The following UBASH3B variants were observed in gnomAD, a reference collection of about 807,000 sequenced individuals.
UBASH3B encodes ubiquitin-associated and SH3 domain-containing protein B.
In UBASH3B, 37 loss-of-function variants were observed where a neutral mutation model predicts 83.4. The ratio of observed to expected loss-of-function variants is 0.44; its 90% confidence interval spans 0.34 to 0.58. The LOEUF is 0.58. UBASH3B is among the 20% of genes least tolerant of loss of function. The pLI, the probability that UBASH3B is intolerant of heterozygous loss-of-function variation, is 0.01. For missense variants in UBASH3B, 657 were observed against 827.2 expected (o/e 0.79, Z 2.52); for synonymous variants, 304 against 318.3 (o/e 0.96, Z 0.48).
intron 1 of UBASH3B, among the ~76,000 whole-genome samples, chr11:122,715,804 AAG>A (rs950345829): frequency 6.6e-6 from 1 of 152,180 alleles, no homozygotes; most frequent in East Asian, 1.9e-4. Context: ...TGTAACCACA[AAG>A]AGAGAGGTCT....
At chr11:122,665,700 G>C (rs1863507028) in intron 1 of UBASH3B, among the ~76,000 whole-genome samples, 1 of 152,356 alleles carries the variant, frequency 6.6e-6, no homozygotes, top group Non-Finnish European at 1.5e-5. Flanking sequence ...AGAAAGATAT[G>C]AGGCAATTAC....
rs1861461155 is a variant in UBASH3B, at chr11:122,812,211, C to A, written c.*2325C>A. 1 of 151,924 alleles carries A rather than the reference C, an allele frequency of 6.6e-6. No individual in the cohort carries two copies. Among genetic ancestry groups the A allele is most frequent in the South Asian group, 2.1e-4 (1 of 4,810 alleles). The allele number at this position is 151,924 out of a possible 1,614,324, so 9.4% of individuals were successfully genotyped here. On this transcript the variant is annotated 3_prime_UTR_variant, in exon 14 of 14. Transcript: ENST00000284273. Reference sequence around the variant, plus strand: ...TTTTCCGAATAATTCAGGTGGAAAACAAGAAAGATTGTATTTCTCTGCTTT... The same window carrying A: ...TTTTCCGAATAATTCAGGTGGAAAAAAAGAAAGATTGTATTTCTCTGCTTT...
In UBASH3B at chr11:122,717,910, CTT is replaced by C. The variant is rs61463946; in HGVS notation, c.162-58297_162-58296del. Reference sequence around the variant, plus strand: ...ATTTCTCACCCAAGTTTCTTTCTTTCTTTTTTTTTTTTTCGGACAAGTCTCAC... The same window carrying C: ...ATTTCTCACCCAAGTTTCTTTCTTTCTTTTTTTTTTTCGGACAAGTCTCAC... On this transcript the variant is annotated intron_variant, in intron 1 of 13. Coordinates refer to ENST00000284273, the MANE Select transcript of UBASH3B (RefSeq NM_032873.5). Among the ~76,000 whole-genome samples, 33 of 144,566 alleles carry C rather than the reference CTT, an allele frequency of 2.3e-4. 1 individual carries two copies. The highest frequency in any genetic ancestry group is 2.6e-4 in the Non-Finnish European group (17 of 65,998). The allele number at this position is 144,566 out of a possible 152,430, so 94.8% of individuals were successfully genotyped here. A position where few individuals can be genotyped will look rare whatever the true frequency, so the allele number is the denominator to read the frequency against.
intron 1 of UBASH3B, among the ~76,000 whole-genome samples, chr11:122,769,257 C>G (rs1039249680): frequency 1.6e-4 from 25 of 152,246 alleles, no homozygotes; most frequent in Middle Eastern, 3.4e-3. Context: ...TTTCAACAAC[C>G]AGCTCCCGTG....
intron 1 of UBASH3B, among the ~76,000 whole-genome samples, chr11:122,726,639 C>T (rs1392144103): frequency 3.3e-5 from 5 of 152,206 alleles, no homozygotes; most frequent in African/African-American, 4.8e-5. Context: ...CTGTGCCCAG[C>T]ACCAACATTT....
chr11:122,787,095 G>C (rs916796164), intron 5 of UBASH3B, among the ~76,000 whole-genome samples: 4 of 150,620 alleles, frequency 2.7e-5, no homozygotes, highest in Non-Finnish European at 5.9e-5. Context: ...TATTAGCCAA[G>C]ACCATGCTGT....
chr11:122,669,663 T>A (rs1354315820), intron 1 of UBASH3B, among the ~76,000 whole-genome samples: 2 of 152,216 alleles, frequency 1.3e-5, no homozygotes, highest in African/African-American at 2.4e-5. Context: ...CACCAGGTAG[T>A]CATAGCTAAC....
At chr11:122,803,532 C>CA (rs1041856145) in intron 11 of UBASH3B, among the ~76,000 whole-genome samples, 8 of 151,558 alleles carry the variant, frequency 5.3e-5, no homozygotes, top group Non-Finnish European at 7.4e-5. Context: ...GCAGCAAGAC[C>CA]AGCCCAGGGC....
At chr11:122,724,523 G>A (rs1052779377) in intron 1 of UBASH3B, among the ~76,000 whole-genome samples, 2 of 152,182 alleles carry the variant, frequency 1.3e-5, no homozygotes, top group African/African-American at 4.8e-5. Flanking sequence ...GTTGACATAG[G>A]GAACGCTGTA....
intron 1 of UBASH3B, among the ~76,000 whole-genome samples, chr11:122,763,993 A>C (rs1860489890): frequency 6.6e-6 from 1 of 152,216 alleles, no homozygotes; most frequent in South Asian, 2.1e-4. Context: ...TCCTTGTATG[A>C]AAGTGATAGA....
At chr11:122,657,484 C>G (rs1480378874) in intron 1 of UBASH3B, among the ~76,000 whole-genome samples, 1 of 152,000 alleles carries the variant, frequency 6.6e-6, no homozygotes, top group Non-Finnish European at 1.5e-5. Context: ...AGATGGGGTT[C>G]TGCCATGTTG....
chr11:122,779,192 G>C (rs554685576), intron 3 of UBASH3B, among the ~76,000 whole-genome samples: 2 of 152,012 alleles, frequency 1.3e-5, no homozygotes, highest in Non-Finnish European at 2.9e-5. Flanking sequence ...CCCCAATCTC[G>C]CTCCCCTTTC....
intron 1 of UBASH3B, among the ~76,000 whole-genome samples, chr11:122,696,673 G>A (rs985043431): frequency 1.3e-5 from 2 of 152,188 alleles, no homozygotes; most frequent in Admixed American, 6.5e-5. Context: ...TAAGTTGCAC[G>A]TGTGTCCGAG....
chr11:122,723,183 A>C (rs1860671893), intron 1 of UBASH3B, among the ~76,000 whole-genome samples: 1 of 152,234 alleles, frequency 6.6e-6, no homozygotes, highest in South Asian at 2.1e-4. Context: ...TAATTAAAAA[A>C]AAAATCCTTT....
intron 1 of UBASH3B, among the ~76,000 whole-genome samples, chr11:122,741,634 T>A (rs1454167339): frequency 6.6e-6 from 1 of 152,138 alleles, no homozygotes; most frequent in African/African-American, 2.4e-5. Flanking sequence ...TGAGGCCCCG[T>A]GATGCTTTGC....
chr11:122,812,004 A>G lies in UBASH3B; in HGVS notation c.*2118A>G, dbSNP rs1401435732. The G allele has an allele frequency of 6.6e-6, 1 of 152,200 alleles. No individual in the cohort carries two copies. Among genetic ancestry groups the G allele is most frequent in the East Asian group, 1.9e-4 (1 of 5,198 alleles). The allele number at this position is 152,200 out of a possible 1,614,324, so 9.4% of individuals were successfully genotyped here. A position where few individuals can be genotyped will look rare whatever the true frequency, so the allele number is the denominator to read the frequency against. The stretch of plus-strand genomic sequence containing the variant: ...ACTGTAGCAGTGTGTTCTGGGCAGT[A>G]TCTGTAATGTATGAAATAGAGTCTG... On this transcript the variant is annotated 3_prime_UTR_variant, in exon 14 of 14. Coordinates refer to ENST00000284273, the MANE Select transcript of UBASH3B (RefSeq NM_032873.5).
At position 122,813,345 on chromosome 11, in the gene UBASH3B, A is replaced by C. The variant is rs1861482648; in HGVS notation, c.*3459A>C. ...CTACAGTAAAAGAAGTTCCTATCTC[A>C]TTGCCTTTGTGGAAAGGCTTCCCTA... On this transcript the variant is annotated 3_prime_UTR_variant, in exon 14 of 14. Transcript: ENST00000284273. 1 of 152,184 alleles carries C rather than the reference A, an allele frequency of 6.6e-6. No homozygotes were observed. Among genetic ancestry groups the C allele is most frequent in the Non-Finnish European group, 1.5e-5 (1 of 68,036 alleles). The allele number at this position is 152,184 out of a possible 1,614,324, so 9.4% of individuals were successfully genotyped here.
chr11:122,679,529 C>T lies in UBASH3B; in HGVS notation c.161+23319C>T, dbSNP rs78754458. ...CTCAAACCCACTACGTTAGAATCTC[C>T]ACTTTAATAAGATCCTTAGGTGATT... On this transcript the variant is annotated intron_variant, in intron 1 of 13. Transcript: ENST00000284273. Among the ~76,000 whole-genome samples the T allele has an allele frequency of 4.9e-3, 742 of 152,300 alleles. 6 individuals carry two copies. Among genetic ancestry groups the T allele is most frequent in the Non-Finnish European group, 8.5e-3 (580 of 68,024 alleles).
At chr11:122,691,727 A>G (rs1432302101) in intron 1 of UBASH3B, among the ~76,000 whole-genome samples, 1 of 152,248 alleles carries the variant, frequency 6.6e-6, no homozygotes, top group African/African-American at 2.4e-5. Context: ...TCTGGAATCA[A>G]TGAAAAGGCT....
Sources: gnomAD v4.1 joint callset for allele counts (sites outside exome capture counted in the v4.1 genomes callset) on GRCh38, gnomAD v4.1.1 for gene constraint, MANE v1.5 for transcripts, NCBI Gene and HGNC (gene_info 2026-07-23, HGNC 2026-07-21) for gene names.